Variants in NSUN6 observed in about 807,000 individuals in gnomAD.
NSUN6 encodes the protein NOP2/Sun RNA methyltransferase 6.
In NSUN6, 64 loss-of-function variants were observed where a neutral mutation model predicts 58.0. The observed-to-expected ratio is 1.10, with a 90% CI of 0.90 to 1.36. The LOEUF (loss-of-function observed/expected upper bound fraction) is 1.36. NSUN6 is among the 40% of genes most tolerant of loss of function. The probability of loss-of-function intolerance (pLI) is 0.00; values close to 1 mark genes in which losing one functional copy is unlikely to be tolerated. For missense variants in NSUN6, 701 were observed against 550.1 expected (o/e 1.27, Z -2.74); for synonymous variants, 231 against 193.9 (o/e 1.19, Z -1.59).
rs1176763962 is a variant in NSUN6 at position 18,602,266 on chromosome 10, C to T, written c.658-5939G>A. Among the ~76,000 whole-genome samples, 6 of 145,306 alleles carry T rather than the reference C, an allele frequency of 4.1e-5. No homozygotes were observed. In the South Asian group the frequency reaches 6.8e-4, roughly 16 times the overall value. On this transcript the variant is annotated intron_variant, in intron 6 of 10. Transcript: ENST00000377304. ...TTTTTTTTTTTGTTTTTTTTTGAGA[C>T]GGAGTCTTGCTCTGTTGCCCAGGCT...
intron 8 of NSUN6, among the ~76,000 whole-genome samples, chr10:18,584,308 A>G (rs1017308315): frequency 6.6e-6 from 1 of 152,206 alleles, no homozygotes; most frequent in East Asian, 1.9e-4. Context: ...TTACCTTATA[A>G]AAGTTTCCGC....
chr10:18,575,858 CTTTCT>C (rs769079746), intron 8 of NSUN6, among the ~76,000 whole-genome samples: 3 of 152,192 alleles, frequency 2.0e-5, no homozygotes, highest in Non-Finnish European at 4.4e-5. Flanking sequence ...CTATTTTCTA[CTTTCT>C]CTTCTCTTAA....
chr10:18,573,443 C>T (rs903011103), intron 8 of NSUN6, among the ~76,000 whole-genome samples: 24 of 151,518 alleles, frequency 1.6e-4, no homozygotes, highest in African/African-American at 4.6e-4. Flanking sequence ...TTCCATTCTC[C>T]ATTCCATTCC....
chr10:18,556,582 G>A (rs1251421350), intron 8 of NSUN6, among the ~76,000 whole-genome samples: 1 of 150,858 alleles, frequency 6.6e-6, no homozygotes, highest in East Asian at 2.0e-4. Context: ...AATGGAGGAT[G>A]GTGTGGAGAA....
At chr10:18,607,370 T>G (rs962455466) in intron 6 of NSUN6, among the ~76,000 whole-genome samples, 2 of 152,240 alleles carry the variant, frequency 1.3e-5, no homozygotes, top group African/African-American at 4.8e-5. Flanking sequence ...CTTACTCTTC[T>G]GCACATTCTT....
rs767364420 is a variant in NSUN6, at chr10:18,616,277, G to GT, written c.327dup (p.Gln110ThrfsTer4). ...GCTCCAACAATGGCTTCACACTGTT[G>GT]TTTTTTAATATTCTTTCTAGAAATG... On this transcript the variant is annotated frameshift_variant, in exon 4 of 11. Transcript: ENST00000377304. LOFTEE classifies it high-confidence loss of function. 129 of 1,604,530 alleles carry GT rather than the reference G, an allele frequency of 8.0e-5. No individual in the cohort carries two copies. The highest frequency in any genetic ancestry group is 3.0e-4 in the Admixed American group (18 of 59,924).
rs5783616 is a variant in NSUN6 at position 18,615,106 on chromosome 10, C to CATATATATATAT, written c.422-505_422-494dup. Among the ~76,000 whole-genome samples, 525 of 147,028 alleles carry CATATATATATAT rather than the reference C, an allele frequency of 3.6e-3. 3 individuals carry two copies. The highest frequency in any genetic ancestry group is 0.012 in the African/African-American group (490 of 39,712). On this transcript the variant is annotated intron_variant, in intron 4 of 10. Coordinates refer to ENST00000377304, the MANE Select transcript of NSUN6 (RefSeq NM_182543.5). The stretch of plus-strand genomic sequence containing the variant: ...TTAATGATAAGCATATATAGTCATT[C>CATATATATATAT]ATATATATATATATATATATATACA...
At chr10:18,573,614 C>T (rs1489433972) in intron 8 of NSUN6, among the ~76,000 whole-genome samples, 2 of 152,152 alleles carry the variant, frequency 1.3e-5, no homozygotes, top group African/African-American at 4.8e-5. Flanking sequence ...TATGCCTTCT[C>T]CAGTACGTGG....
chr10:18,651,764 C>T, upstream of NSUN6: 1 of 985,486 alleles, frequency 1.0e-6, no homozygotes, highest in South Asian at 4.7e-5. Flanking sequence ...GCGTGAGGCT[C>T]TTTCACCTGC....
chr10:18,563,145 G>C (rs938970679), intron 8 of NSUN6, among the ~76,000 whole-genome samples: 2 of 150,758 alleles, frequency 1.3e-5, no homozygotes, highest in Admixed American at 6.7e-5. Context: ...AACTGGAATG[G>C]AGAGTGGAAC....
chr10:18,588,387 G>A (rs970752166), intron 7 of NSUN6, among the ~76,000 whole-genome samples: 1 of 152,208 alleles, frequency 6.6e-6, no homozygotes, highest in Admixed American at 6.5e-5. Flanking sequence ...GAGAGAAGCT[G>A]ATCCTGACAA....
chr10:18,651,907 T>TA, upstream of NSUN6: 1 of 985,400 alleles, frequency 1.0e-6, no homozygotes. Context: ...GTTGCTGGAC[T>TA]GAAAAAAGGC....
chr10:18,569,637 A>C (rs993226787), intron 8 of NSUN6, among the ~76,000 whole-genome samples: 1 of 149,782 alleles, frequency 6.7e-6, no homozygotes, highest in African/African-American at 2.5e-5. Flanking sequence ...ATTACATTCC[A>C]TTCTCCATTC....
chr10:18,639,381 C>A (rs1405707633), intron 3 of NSUN6, among the ~76,000 whole-genome samples: 2 of 152,102 alleles, frequency 1.3e-5, no homozygotes, highest in East Asian at 3.9e-4. Flanking sequence ...GTAGCCCCAG[C>A]TACTCGGGAG....
chr10:18,557,476 G>T (rs2055124184), intron 8 of NSUN6, among the ~76,000 whole-genome samples: 1 of 151,158 alleles, frequency 6.6e-6, no homozygotes, highest in African/African-American at 2.4e-5. Flanking sequence ...ATAGAGAATG[G>T]AATGGAATAG....
intron 3 of NSUN6, among the ~76,000 whole-genome samples, chr10:18,626,922 A>G (rs1251263650): frequency 6.6e-6 from 1 of 152,246 alleles, no homozygotes; most frequent in Non-Finnish European, 1.5e-5. Context: ...GAACTATTTT[A>G]AGACTTTTAT....
chr10:18,596,314 G>A lies in NSUN6; in HGVS notation c.671C>T (p.Ala224Val), dbSNP rs764926171. Reference sequence around the variant, plus strand: ...AGGATTTAGTACATGACTTACTAAGGCAGATGGCAAATTCTATAAGGAAAA... The same window carrying A: ...AGGATTTAGTACATGACTTACTAAGACAGATGGCAAATTCTATAAGGAAAA... ...RYLFLQNLPSALVSHVLNPQP... is the reference protein window; with the variant it reads ...RYLFLQNLPSVLVSHVLNPQP... Residue 224 changes from alanine to valine, a missense_variant, in exon 7 of 11, where the codon GCC (alanine) becomes GTC (valine). Transcript: ENST00000377304. 1.3e-6 allele frequency: 2 copies of A among 1,578,914 alleles called. No individual in the cohort carries two copies. The highest frequency in any genetic ancestry group is 1.1e-5 in the South Asian group (1 of 90,100).
At chr10:18,557,873 GTGGAATGGAA>G (rs1417893825) in intron 8 of NSUN6, among the ~76,000 whole-genome samples, 7 of 150,482 alleles carry the variant, frequency 4.7e-5, no homozygotes, top group Non-Finnish European at 1.0e-4. Context: ...GGAATGGAGC[GTGGAATGGAA>G]TGGAATGAAA....
At position 18,548,499 on chromosome 10, in the gene NSUN6, G is replaced by C. The variant is rs557563351; in HGVS notation, c.1072-262C>G. On this transcript the variant is annotated intron_variant, in intron 9 of 10. Coordinates refer to ENST00000377304, the MANE Select transcript of NSUN6 (RefSeq NM_182543.5). The stretch of plus-strand genomic sequence containing the variant: ...ATAATCATTCACCGTCATGCCTTTG[G>C]ATACCATTTTTTATGCTGAAAACTC... Among the ~76,000 whole-genome samples the C allele has an allele frequency of 1.4e-4, 22 of 152,238 alleles. 2 individuals carry two copies. In the South Asian group the frequency reaches 4.2e-3, roughly 29 times the overall value.
Sources: gnomAD v4.1 joint callset for allele counts (sites outside exome capture counted in the v4.1 genomes callset) on GRCh38, gnomAD v4.1.1 for gene constraint, MANE v1.5 for transcripts, NCBI Gene and HGNC (gene_info 2026-07-23, HGNC 2026-07-21) for gene names.